Variants in LARP1 observed in about 807,000 individuals in gnomAD.
LARP1 encodes the protein La ribonucleoprotein 1, translational regulator.
In LARP1, 36 loss-of-function variants were observed where a neutral mutation model predicts 122.7. The ratio of observed to expected loss-of-function variants is 0.29; its 90% CI spans 0.22 to 0.39. The LOEUF (loss-of-function observed/expected upper bound fraction) is 0.39. Ranked by LOEUF, LARP1 falls within the 10% of genes least tolerant of loss-of-function variation. The pLI is 1.00. For synonymous variants in LARP1, 539 were observed against 528.7 expected, an observed-to-expected ratio of 1.02 and a Z score of -0.27; for missense variants, 1,040 against 1,403.6, an observed-to-expected ratio of 0.74 and a Z score of 4.14.
intron 1 of LARP1, among the ~76,000 whole-genome samples, chr5:154,770,369 T>A (rs1755301325): frequency 6.6e-6 from 1 of 152,092 alleles, no homozygotes; most frequent in African/African-American, 2.4e-5. Context: ...TATCCCCTGA[T>A]CAGAAGGGTA....
At chr5:154,690,678 C>G (rs532685815) in intron 1 of LARP1, among the ~76,000 whole-genome samples, 1 of 152,160 alleles carries the variant, frequency 6.6e-6, no homozygotes, top group Non-Finnish European at 1.5e-5. Context: ...CCCCCAGCTG[C>G]GGAGAGCAGG....
At chr5:154,770,941 C>A (rs1356203678) in intron 1 of LARP1, among the ~76,000 whole-genome samples, 1 of 152,030 alleles carries the variant, frequency 6.6e-6, no homozygotes, top group Non-Finnish European at 1.5e-5. Context: ...GGTGAAACCC[C>A]GTCTCTACAA....
chr5:154,719,475 A>G (rs1238899767), intron 1 of LARP1, among the ~76,000 whole-genome samples: 1 of 152,218 alleles, frequency 6.6e-6, no homozygotes. Flanking sequence ...AAGGAAACCA[A>G]TCATCCTGAA....
Position 154,790,308 on chromosome 5 carries a change from C to T in LARP1, c.437-17C>T, listed in dbSNP as rs1757240573. On this transcript the variant is annotated splice_polypyrimidine_tract_variant and intron_variant, in intron 1 of 18. Coordinates refer to ENST00000518297, the MANE Select transcript of LARP1 (RefSeq NM_033551.3). Reference sequence around the variant, plus strand: ...CATGGGCTTTGCATTACTAACTCTCCCTTCTTGTTCCCACAGAACACTCTG... The same window carrying T: ...CATGGGCTTTGCATTACTAACTCTCTCTTCTTGTTCCCACAGAACACTCTG... 1 of 1,610,148 alleles carries T rather than the reference C, an allele frequency of 6.2e-7. No homozygotes were observed. Among genetic ancestry groups the T allele is most frequent in the African/African-American group, 1.3e-5 (1 of 74,834 alleles).
rs185383559 is a variant in LARP1, at chr5:154,788,288, G to A, written c.437-2037G>A. On this transcript the variant is annotated intron_variant, in intron 1 of 18. Transcript: ENST00000518297. ...ATCCTCTTGGGATTGAGATTTTCTGGTTCACCATTGCCCTGCACTGGGGGT... is the reference window on the plus strand; with the variant it reads ...ATCCTCTTGGGATTGAGATTTTCTGATTCACCATTGCCCTGCACTGGGGGT... Among the ~76,000 whole-genome samples the A allele has an allele frequency of 8.5e-5, 13 of 152,304 alleles. No homozygotes were observed. In the East Asian group the frequency reaches 2.3e-3, roughly 27 times the overall value.
intron 1 of LARP1, among the ~76,000 whole-genome samples, chr5:154,691,181 G>A (rs1754183873): frequency 6.7e-6 from 1 of 149,482 alleles, no homozygotes; most frequent in South Asian, 2.1e-4. Context: ...AGAATGGCGT[G>A]AACCCGGGAG....
intron 15 of LARP1, among the ~76,000 whole-genome samples, 196 bp from the exon 16 acceptor site, chr5:154,808,263 G>T (rs574519720): frequency 1.8e-4 from 27 of 152,354 alleles, no homozygotes; most frequent in Non-Finnish European, 2.6e-4. Context: ...TACAGGCCCA[G>T]CTCCCAGCAT....
chr5:154,789,489 G>A (rs936254445), intron 1 of LARP1, among the ~76,000 whole-genome samples: 12 of 152,070 alleles, frequency 7.9e-5, no homozygotes, highest in African/African-American at 2.9e-4. Context: ...CCAAAGTGCT[G>A]GGATTACAGG....
chr5:154,811,320 G>A lies in LARP1; in HGVS notation c.2917G>A (p.Asp973Asn). The A allele has an allele frequency of 6.2e-7, 1 of 1,614,164 alleles. No homozygotes were observed. The highest frequency in any genetic ancestry group is 8.5e-7 in the Non-Finnish European group (1 of 1,180,038). The change falls in exon 17 of 19, where the codon GAT becomes AAT. Residue 973 changes from aspartate (D) to asparagine (N), a missense_variant. Coordinates refer to ENST00000518297, the MANE Select transcript of LARP1 (RefSeq NM_033551.3). ...GAAGTTCCGGCTGGACATATTCAAG[G>A]ATTTTCAGGAGGAAACGGTGAAGGA... is the stretch of plus-strand genomic sequence containing the variant. ...EKKFRLDIFK[D>N]FQEETVKDYE...
chr5:154,790,772 T>G, intron 3 of LARP1, 62 bp downstream of exon 3: 1 of 1,399,320 alleles, frequency 7.1e-7, no homozygotes, highest in Non-Finnish European at 1.0e-6. Flanking sequence ...ATTTAGCTCC[T>G]CAAGCTTCCA....
chr5:154,696,555 T>A lies in LARP1; in HGVS notation c.-180+13518T>A, dbSNP rs564680965. On this transcript the variant is annotated intron_variant, in intron 1 of 18. Transcript: ENST00000687700. ...AGCCCTTCATATGCATTGTCTCATG[T>A]AATCCTTACAGTGATCCTATAAGGT... Among the ~76,000 whole-genome samples, 22 of 152,350 alleles carry A rather than the reference T, an allele frequency of 1.4e-4. No homozygotes were observed. The South Asian group carries it at 3.5e-3, about 24-fold the overall frequency.
At chr5:154,704,063 G>A (rs1163093820) in intron 1 of LARP1, among the ~76,000 whole-genome samples, 1 of 152,170 alleles carries the variant, frequency 6.6e-6, no homozygotes, top group Non-Finnish European at 1.5e-5. Context: ...TGGTGGTCTT[G>A]TCAGAGAGGC....
chr5:154,803,445 G>C lies in LARP1; in HGVS notation c.2233+32G>C, dbSNP rs1444863765. On this transcript the variant is annotated intron_variant, in intron 12 of 18. Transcript: ENST00000518297. This position sits in a 1 kb window ranked among gnomAD's most constrained non-coding sequence, Gnocchi z 4.4. ...AGCAGACACCTGAGATCCTGACATGGGTGAGAGGATCTAGGGCCCTTGGAC... is the reference window on the plus strand; with the variant it reads ...AGCAGACACCTGAGATCCTGACATGCGTGAGAGGATCTAGGGCCCTTGGAC... 5.6e-6 allele frequency: 9 copies of C among 1,614,016 alleles called. No homozygotes were observed. The highest frequency in any genetic ancestry group is 1.7e-6 in the Non-Finnish European group (2 of 1,180,036).
intron 1 of LARP1, among the ~76,000 whole-genome samples, chr5:154,699,778 T>C (rs1210804087): frequency 2.0e-5 from 3 of 152,190 alleles, no homozygotes. Context: ...CAAATGGGTC[T>C]ACCCCAGCAC....
chr5:154,692,227 C>T (rs1289702513), intron 1 of LARP1, among the ~76,000 whole-genome samples: 3 of 152,176 alleles, frequency 2.0e-5, no homozygotes, highest in Non-Finnish European at 4.4e-5. Context: ...TCTTCCCTCA[C>T]CTTAAGGAAG....
intron 1 of LARP1, among the ~76,000 whole-genome samples, chr5:154,734,184 G>C (rs1041373493): frequency 2.0e-5 from 3 of 151,140 alleles, no homozygotes; most frequent in African/African-American, 7.3e-5. Context: ...AAAAAAAATA[G>C]TACCTACCTC....
rs10526758 is a variant in LARP1 at position 154,737,436 on chromosome 5, C to CTTTTTTTT, written c.205+24322_205+24329dup. Among the ~76,000 whole-genome samples, 24 of 95,310 alleles carry CTTTTTTTT rather than the reference C, an allele frequency of 2.5e-4. 1 individual carries two copies. The highest frequency in any genetic ancestry group is 4.4e-4 in the African/African-American group (10 of 22,586). The allele number at this position is 95,310 out of a possible 152,430, so 62.5% of individuals were successfully genotyped here. Reference sequence around the variant, plus strand: ...TAATCTAGAAGCATGGAATTTTTCTCTTTTTTTTTTTTTTTTTTTTTTTGA... The same window carrying CTTTTTTTT: ...TAATCTAGAAGCATGGAATTTTTCTCTTTTTTTTTTTTTTTTTTTTTTTTTTTTTTTGA... On this transcript the variant is annotated intron_variant, in intron 1 of 18. Coordinates refer to the LARP1 transcript ENST00000336314.
intron 1 of LARP1, among the ~76,000 whole-genome samples, chr5:154,723,832 G>A (rs1192085856): frequency 2.0e-5 from 3 of 152,010 alleles, no homozygotes; most frequent in Admixed American, 6.6e-5. Flanking sequence ...GACTTGTTGC[G>A]GAACAAGTGG....
In LARP1 at chr5:154,795,326, C is replaced by T; in HGVS notation, c.1377+7C>T. 1 of 1,613,062 alleles carries T rather than the reference C, an allele frequency of 6.2e-7. No individual in the cohort carries two copies. Among genetic ancestry groups the T allele is most frequent in the East Asian group, 2.2e-5 (1 of 44,814 alleles). On this transcript the variant is annotated splice_region_variant and intron_variant, in intron 8 of 18. Transcript: ENST00000518297. ...CATTTCACTCATCTTTGCGGTATGT[C>T]TTCCTCCCTGGAGCTGGGATGCAGG...
Sources: gnomAD v4.1 joint callset for allele counts (sites outside exome capture counted in the v4.1 genomes callset) on GRCh38, gnomAD v4.1.1 for gene constraint, Gnocchi (gnomAD v3.1) non-coding constraint, MANE v1.5 for transcripts, NCBI Gene and HGNC (gene_info 2026-07-23, HGNC 2026-07-21) for gene names.